The following ZNF215 variants were observed in gnomAD, a reference collection of about 807,000 sequenced individuals.
The protein encoded by ZNF215 is BWSCR2-associated zinc finger protein 2.
ZNF215 carries 24 observed loss-of-function variants against 27.2 expected under a neutral mutation model. That is an observed-to-expected ratio of 0.88 (90% CI 0.64 to 1.24). ZNF215 has a LOEUF of 1.24. Ranked by LOEUF, ZNF215 falls within the 50% of genes most tolerant of loss-of-function variation. ZNF215 has a pLI of 0.00. For missense variants in ZNF215, 675 were observed against 605.7 expected, an observed-to-expected ratio of 1.11 and a Z score of -1.20; for synonymous variants, 210 against 204.0, an observed-to-expected ratio of 1.03 and a Z score of -0.25.
At chr11:6,983,454 A>T (rs1446857384) in intron 5 of ZNF215, among the ~76,000 whole-genome samples, 1 of 152,184 alleles carries the variant, frequency 6.6e-6, no homozygotes, top group African/African-American at 2.4e-5. Context: ...AGACACAAGC[A>T]AAAAAGAGAA....
Position 6,955,609 on chromosome 11 carries a change from A to G in ZNF215, c.713-81A>G, listed in dbSNP as rs538401529. ...TGTATTTAAGACCCGTGGTATATGC[A>G]TATACCTTATACAGTTCAGCCTCCA... On this transcript the variant is annotated intron_variant, in intron 6 of 6. Transcript: ENST00000278319. 1.5e-5 allele frequency: 22 copies of G among 1,453,508 alleles called. No homozygotes were observed. The South Asian group carries it at 2.8e-4, about 19-fold the overall frequency. The allele number at this position is 1,453,508 out of a possible 1,614,324, so 90.0% of individuals were successfully genotyped here.
chr11:6,927,108 G>A (rs1294941244), intron 1 of ZNF215, among the ~76,000 whole-genome samples: 2 of 150,870 alleles, frequency 1.3e-5, no homozygotes, highest in African/African-American at 4.9e-5. Flanking sequence ...AGCTGGTTTG[G>A]GAATGGCTGG....
At position 6,957,640 on chromosome 11, in the gene ZNF215, G is replaced by T. The variant is rs1310742855; in HGVS notation, c.*1109G>T. 5.2e-6 allele frequency: 3 copies of T among 581,312 alleles called. No individual in the cohort carries two copies. Among genetic ancestry groups the T allele is most frequent in the Admixed American group, 6.4e-5 (1 of 15,716 alleles). The allele number at this position is 581,312 out of a possible 1,614,324, so 36.0% of individuals were successfully genotyped here. On this transcript the variant is annotated 3_prime_UTR_variant, in exon 7 of 7. Transcript: ENST00000278319. The stretch of plus-strand genomic sequence containing the variant: ...CATTTGCCTTAGGAACTTAACTCTT[G>T]TTTGTATCCATTAGTCTATGGTAAA...
intron 2 of ZNF215, among the ~76,000 whole-genome samples, chr11:6,928,767 G>A (rs1849149684): frequency 6.6e-6 from 1 of 151,890 alleles, no homozygotes; most frequent in Non-Finnish European, 1.5e-5. Flanking sequence ...AAGTATCTGG[G>A]CCCATAGTTC....
chr11:6,943,676 A>C, intron 6 of ZNF215, 35 bp downstream of exon 6: 1 of 1,508,614 alleles, frequency 6.6e-7, no homozygotes, highest in Non-Finnish European at 9.2e-7. Flanking sequence ...CATAGTAAGA[A>C]GCTTCTGTTT....
At chr11:6,969,376 T>G (rs1850679445) in intron 5 of ZNF215, among the ~76,000 whole-genome samples, 1 of 152,202 alleles carries the variant, frequency 6.6e-6, no homozygotes, top group Non-Finnish European at 1.5e-5. Flanking sequence ...CTCACATTTT[T>G]CCTGATTATC....
Position 6,956,203 on chromosome 11 carries a change from G to T in ZNF215, c.1226G>T (p.Cys409Phe). 1 of 1,613,052 alleles carries T rather than the reference G, an allele frequency of 6.2e-7. No individual in the cohort carries two copies. The highest frequency in any genetic ancestry group is 1.3e-5 in the African/African-American group (1 of 75,008). ...IIHTGEKPYK[C>F]SECGRFFNRR... ...CACACAGGAGAGAAACCCTATAAAT[G>T]CAGTGAATGTGGGAGATTCTTCAAC... Residue 409 changes from cysteine to phenylalanine, a missense_variant, in exon 7 of 7, where the codon TGC (cysteine) becomes TTC (phenylalanine). Cys to Phe is a radical substitution (Grantham distance 205, BLOSUM62 -2). Coordinates refer to ENST00000278319, the MANE Select transcript of ZNF215 (RefSeq NM_013250.4).
intron 5 of ZNF215, among the ~76,000 whole-genome samples, chr11:6,981,445 T>G (rs939506926): frequency 3.9e-5 from 6 of 152,156 alleles, no homozygotes; most frequent in South Asian, 2.1e-4. Context: ...TCGCCCACTT[T>G]TTGATGGGGT....
chr11:6,982,914 G>T (rs1342041708), intron 5 of ZNF215, among the ~76,000 whole-genome samples: 1 of 151,204 alleles, frequency 6.6e-6, no homozygotes, highest in Non-Finnish European at 1.5e-5. Flanking sequence ...AATCAGAGCA[G>T]AACTGAAGGA....
chr11:6,959,127 G>C (rs746902031), downstream of ZNF215, among the ~76,000 whole-genome samples: 28 of 152,078 alleles, frequency 1.8e-4, no homozygotes, highest in Non-Finnish European at 2.9e-4. Flanking sequence ...ACCATCAAAG[G>C]TCGATATCTA....
At chr11:6,984,112 A>ATTT (rs3077870) in intron 5 of ZNF215, 7,014 of 360,560 alleles carry the variant, frequency 0.019, 15 homozygotes, top group South Asian at 0.042. Context: ...TGTCCCTTAA[A>ATTT]TTTTTTTTTT....
At chr11:6,969,187 T>C (rs1302580116) in intron 5 of ZNF215, among the ~76,000 whole-genome samples, 1 of 152,146 alleles carries the variant, frequency 6.6e-6, no homozygotes, top group East Asian at 1.9e-4. Context: ...AAGAAAGCCC[T>C]CATATTGACA....
intron 6 of ZNF215, among the ~76,000 whole-genome samples, chr11:6,954,792 C>T (rs1270235156): frequency 6.6e-6 from 1 of 152,198 alleles, no homozygotes; most frequent in African/African-American, 2.4e-5. Flanking sequence ...CCCAGTACCT[C>T]AGATGGAAAT....
rs1849282825 is a variant in ZNF215 at position 6,932,105 on chromosome 11, C to G, written c.-168C>G. 2 of 713,882 alleles carry G rather than the reference C, an allele frequency of 2.8e-6. No individual in the cohort carries two copies. Among genetic ancestry groups the G allele is most frequent in the Middle Eastern group, 3.5e-4 (1 of 2,852 alleles). The allele number at this position is 713,882 out of a possible 1,614,324, so 44.2% of individuals were successfully genotyped here. On this transcript the variant is annotated 5_prime_UTR_variant, in exon 3 of 7. Coordinates refer to ENST00000278319, the MANE Select transcript of ZNF215 (RefSeq NM_013250.4). The stretch of plus-strand genomic sequence containing the variant: ...CTATCTTTTTTCAGTTGCTCAGGTA[C>G]CTGAATATTGGCTTTGTGTCTAAAG...
At chr11:6,938,967 G>A (rs1849537460) in intron 3 of ZNF215, among the ~76,000 whole-genome samples, 1 of 152,068 alleles carries the variant, frequency 6.6e-6, no homozygotes, top group South Asian at 2.1e-4. Flanking sequence ...CTAGAGCCAC[G>A]ATAGAATGGG....
At chr11:6,983,343 G>GT (rs1851000143) in intron 5 of ZNF215, among the ~76,000 whole-genome samples, 1 of 151,992 alleles carries the variant, frequency 6.6e-6, no homozygotes, top group Non-Finnish European at 1.5e-5. Context: ...GGAGGAACTG[G>GT]TACCATTCCT....
downstream of ZNF215, among the ~76,000 whole-genome samples, chr11:6,985,901 G>A (rs116727061): frequency 1.4e-3 from 207 of 151,886 alleles, 1 homozygote; most frequent in African/African-American, 4.7e-3. Flanking sequence ...AAGAAAAAAG[G>A]TCCCATGCTC....
At chr11:6,942,908 TG>T (rs1159848955) in intron 4 of ZNF215, among the ~76,000 whole-genome samples, 174 bp from the exon 5 acceptor site, 1 of 152,206 alleles carries the variant, frequency 6.6e-6, no homozygotes, top group Non-Finnish European at 1.5e-5. Flanking sequence ...CCAATTTGTT[TG>T]GCCCTTACTA....
At chr11:6,989,956 A>T (rs114657163), downstream of ZNF215, among the ~76,000 whole-genome samples, 2,280 of 152,284 alleles carry the variant, frequency 0.015, 54 homozygotes, top group African/African-American at 0.052. Context: ...ATAACCCAGG[A>T]TCAAATCAAA....
Sources: allele counts gnomAD v4.1 joint callset (sites outside exome capture counted in the v4.1 genomes callset), GRCh38; gene constraint gnomAD v4.1.1; transcripts MANE v1.5; gene names NCBI Gene and HGNC (gene_info 2026-07-23, HGNC 2026-07-21).